The following F5 variants were observed in gnomAD, a reference collection of about 807,000 sequenced individuals.
F5 encodes coagulation factor V.
A neutral mutation model predicts 216.4 loss-of-function variants in F5; 138 were observed. The ratio of observed to expected loss-of-function variants is 0.64; its 90% CI spans 0.56 to 0.73. The LOEUF is 0.73. Ranked by LOEUF, F5 falls within the 30% of genes least tolerant of loss-of-function variation. The probability of loss-of-function intolerance (pLI) is 0.00; values close to 1 mark genes in which losing one functional copy is unlikely to be tolerated. For synonymous variants in F5, 916 were observed against 930.7 expected (o/e 0.98, Z 0.29); for missense variants, 2,403 against 2,674.0 (o/e 0.90, Z 2.24).
chr1:169,568,131 G>A (rs544256943), intron 3 of F5, among the ~76,000 whole-genome samples: 44 of 152,158 alleles, frequency 2.9e-4, no homozygotes, highest in African/African-American at 9.9e-4. Flanking sequence ...ACAAATTAAT[G>A]TCTGTCTAAT....
intron 3 of F5, among the ~76,000 whole-genome samples, chr1:169,566,204 C>T (rs1455367951): frequency 2.6e-5 from 4 of 152,060 alleles, no homozygotes; most frequent in African/African-American, 9.7e-5. Flanking sequence ...CTTCTTGCTA[C>T]ATGGCCTCAT....
Position 169,555,178 on chromosome 1 carries a change from T to A in F5, c.1118+4A>T. 3 of 1,614,022 alleles carry A rather than the reference T, an allele frequency of 1.9e-6. No homozygotes were observed. Among genetic ancestry groups the A allele is most frequent in the Non-Finnish European group, 2.5e-6 (3 of 1,179,944 alleles). Reference sequence around the variant, plus strand: ...GCCCAGTGGTATGAACCCCAACAACTCACTTGTCCATATTCGCTGGTATTA... The same window carrying A: ...GCCCAGTGGTATGAACCCCAACAACACACTTGTCCATATTCGCTGGTATTA... On this transcript the variant is annotated splice_donor_region_variant and intron_variant, in intron 7 of 24. Transcript: ENST00000367797.
At chr1:169,564,123 A>T (rs957693520) in intron 3 of F5, among the ~76,000 whole-genome samples, 35 of 152,038 alleles carry the variant, frequency 2.3e-4, no homozygotes, top group African/African-American at 8.0e-4. Context: ...GTGCTCATTT[A>T]TTAGGAGGTC....
Position 169,556,727 on chromosome 1 carries a change from C to A in F5, c.871G>T (p.Ala291Ser). The A allele has an allele frequency of 6.2e-7, 1 of 1,614,120 alleles. No individual in the cohort carries two copies. The highest frequency in any genetic ancestry group is 8.5e-7 in the Non-Finnish European group (1 of 1,180,012). Residue 291 changes from alanine to serine, a missense_variant, in exon 6 of 25, where the codon GCT (alanine) becomes TCT (serine). By Grantham distance (99) the Ala-to-Ser change is moderately conservative. Around this residue, in one of 4 missense-constraint regions of F5, gnomAD observed 1,425 missense variants for 1,554.8 expected, o/e 0.92. Coordinates refer to ENST00000367797, the MANE Select transcript of F5 (RefSeq NM_000130.5). ...HKVSAITLVS[A>S]TSTTANMTVG... is the part of the protein sequence containing the mutation. Reference sequence around the variant, plus strand: ...GTCATATTTGCGGTAGTGGATGTAGCACTGACAAGGGTGATGGCTGAGACC... The same window carrying A: ...GTCATATTTGCGGTAGTGGATGTAGAACTGACAAGGGTGATGGCTGAGACC...
chr1:169,570,273 G>A (rs1660693453), intron 3 of F5, among the ~76,000 whole-genome samples: 1 of 152,090 alleles, frequency 6.6e-6, no homozygotes, highest in Admixed American at 6.6e-5. Flanking sequence ...CATTCACTGT[G>A]CAAACAGCCC....
At chr1:169,586,161 G>A in intron 1 of F5, 68 bp downstream of exon 1, 2 of 1,580,184 alleles carry the variant, frequency 1.3e-6, no homozygotes, top group Non-Finnish European at 1.7e-6. Flanking sequence ...ATTGCAAAGG[G>A]AATGTTCTCT....
At chr1:169,566,932 G>A (rs1166724821) in intron 3 of F5, among the ~76,000 whole-genome samples, 2 of 151,968 alleles carry the variant, frequency 1.3e-5, no homozygotes, top group South Asian at 2.1e-4. Context: ...GTGTGCTTGA[G>A]TTCTGGTAAC....
At chr1:169,573,197 C>T (rs181345488) in intron 2 of F5, among the ~76,000 whole-genome samples, 1 of 152,202 alleles carries the variant, frequency 6.6e-6, no homozygotes, top group South Asian at 2.1e-4. Context: ...ATACACCCGC[C>T]TCAGCCTCCC....
intron 23 of F5, among the ~76,000 whole-genome samples, chr1:169,517,842 A>T (rs1230292434): frequency 6.6e-6 from 1 of 152,206 alleles, no homozygotes; most frequent in Non-Finnish European, 1.5e-5. Flanking sequence ...TTTAGATGAC[A>T]TTTCATTTAG....
intron 8 of F5, 67 bp from the exon 9 acceptor site, chr1:169,550,806 G>T: frequency 1.7e-6 from 2 of 1,173,750 alleles, no homozygotes; most frequent in Non-Finnish European, 2.6e-6. Flanking sequence ...TAAGATACTA[G>T]CTTTGCATAT....
intron 14 of F5, among the ~76,000 whole-genome samples, chr1:169,534,563 G>T (rs1157326382): frequency 1.3e-5 from 2 of 152,002 alleles, no homozygotes; most frequent in African/African-American, 4.8e-5. Flanking sequence ...AGCTACTCGG[G>T]AGGCTGAGGC....
At chr1:169,521,010 C>A (rs1033864011) in intron 21 of F5, among the ~76,000 whole-genome samples, 2 of 152,042 alleles carry the variant, frequency 1.3e-5, no homozygotes, top group Non-Finnish European at 2.9e-5. Flanking sequence ...AAATCCCAGA[C>A]TTAGAGATGA....
chr1:169,557,937 A>G (rs913660375), intron 5 of F5, among the ~76,000 whole-genome samples: 1 of 152,098 alleles, frequency 6.6e-6, no homozygotes, highest in South Asian at 2.1e-4. Flanking sequence ...AATGTTTACT[A>G]TTCTTAGTTT....
intron 17 of F5, 145 bp downstream of exon 17, chr1:169,527,770 T>C: frequency 1.0e-6 from 1 of 988,512 alleles, no homozygotes. Flanking sequence ...ACTTTGGGTC[T>C]ATGGGTTTGC....
intron 3 of F5, among the ~76,000 whole-genome samples, chr1:169,568,956 T>G (rs1410874514): frequency 6.6e-6 from 1 of 152,116 alleles, no homozygotes; most frequent in Non-Finnish European, 1.5e-5. Context: ...ATTCAAAGAT[T>G]CAGAATATTC....
intron 22 of F5, among the ~76,000 whole-genome samples, chr1:169,519,182 C>G (rs1317011445): frequency 6.6e-6 from 1 of 152,102 alleles, no homozygotes; most frequent in Non-Finnish European, 1.5e-5. Context: ...CTCTGTGACA[C>G]TTTGTTCTTG....
At position 169,582,537 on chromosome 1, in the gene F5, C is replaced by CA; in HGVS notation, c.159-16dup. The CA allele has an allele frequency of 7.0e-7, 1 of 1,418,838 alleles. No individual in the cohort carries two copies. The highest frequency in any genetic ancestry group is 9.9e-7 in the Non-Finnish European group (1 of 1,009,056). The allele number at this position is 1,418,838 out of a possible 1,614,324, so 87.9% of individuals were successfully genotyped here. A position where few individuals can be genotyped will look rare whatever the true frequency, so the allele number is the denominator to read the frequency against. The stretch of plus-strand genomic sequence containing the variant: ...AAAGATTCAAACTGGAAATAAAATA[C>CA]AAAAACTAATTTGAAAGGCATATTC... On this transcript the variant is annotated splice_polypyrimidine_tract_variant and intron_variant, in intron 1 of 24. Coordinates refer to ENST00000367797, the MANE Select transcript of F5 (RefSeq NM_000130.5).
chr1:169,525,357 A>G (rs968047107), intron 18 of F5, among the ~76,000 whole-genome samples: 2 of 152,132 alleles, frequency 1.3e-5, no homozygotes, highest in African/African-American at 2.4e-5. Flanking sequence ...ATATGAAAAA[A>G]AGTTCTAGTC....
chr1:169,530,874 G>A lies in F5; in HGVS notation c.5120C>T (p.Thr1707Ile), dbSNP rs1217806029. 1 of 1,613,806 alleles carries A rather than the reference G, an allele frequency of 6.2e-7. No homozygotes were observed. The highest frequency in any genetic ancestry group is 8.5e-7 in the Non-Finnish European group (1 of 1,179,878). ...TCGCTCAGTGGCATGCCATACGTAG[G>A]TATAACTGCTATTTGGCTGAACAGC... is the stretch of plus-strand genomic sequence containing the variant. ...DNAVQPNSSY[T>I]YVWHATERSG... is the part of the protein sequence containing the mutation. The change falls in exon 15 of 25, where the codon ACC becomes ATC. Residue 1707 changes from threonine to isoleucine, a missense_variant. By Grantham distance (89) the Thr-to-Ile change is moderately conservative. Transcript: ENST00000367797.
Sources: gnomAD v4.1 joint callset for allele counts (sites outside exome capture counted in the v4.1 genomes callset) on GRCh38, gnomAD v4.1.1 for gene constraint, gnomAD v4.1.1 regional missense constraint, MANE v1.5 for transcripts, NCBI Gene and HGNC (gene_info 2026-07-23, HGNC 2026-07-21) for gene names.